APC: variants seen among roughly 807,000 people sequenced by gnomAD.
APC encodes the protein adenomatous polyposis coli protein.
In APC, 72 loss-of-function variants were observed where a neutral mutation model predicts 247.0. The observed-to-expected ratio is 0.29, with a 90% CI of 0.24 to 0.35. The LOEUF is 0.35. APC is among the 10% of genes least tolerant of loss of function. The pLI is 1.00. For missense variants in APC, 3,400 were observed against 3,360.7 expected (o/e 1.01, Z -0.29); for synonymous variants, 1,254 against 1,162.5 (o/e 1.08, Z -1.60).
chr5:112,820,231 G>A (rs1762982800), intron 10 of APC, among the ~76,000 whole-genome samples: 3 of 151,718 alleles, frequency 2.0e-5, no homozygotes, highest in African/African-American at 7.3e-5. Context: ...ACTACAAGTA[G>A]ATGATTCTAC....
upstream of APC, chr5:112,737,743 G>A: frequency 2.7e-6 from 2 of 749,332 alleles, no homozygotes; most frequent in South Asian, 1.2e-4. Context: ...GTGCGGGTCG[G>A]GAAGCGGAGA....
chr5:112,839,223 A>G lies in APC; in HGVS notation c.3629A>G (p.His1210Arg), dbSNP rs756346998. ...TCTGGACAAAGCAGTAAAACCGAACATATGTCTTCAAGCAGTGAGAATACG... is the reference window on the plus strand; with the variant it reads ...TCTGGACAAAGCAGTAAAACCGAACGTATGTCTTCAAGCAGTGAGAATACG... ...SSSGQSSKTE[H>R]MSSSSENTST... The change falls in exon 16 of 16, where the codon CAT (histidine) becomes CGT (arginine). Residue 1210 changes from histidine (H) to arginine (R), a missense_variant. Coordinates refer to ENST00000257430, the MANE Select transcript of APC (RefSeq NM_000038.6). This position sits in a 1 kb window ranked among gnomAD's most constrained non-coding sequence, Gnocchi z 5.0. 1 of 1,614,188 alleles carries G rather than the reference A, an allele frequency of 6.2e-7. No homozygotes were observed. Among genetic ancestry groups the G allele is most frequent in the African/African-American group, 1.3e-5 (1 of 75,066 alleles).
rs1478577223 is a variant in APC, at chr5:112,844,730, A to G, written c.*604A>G. 3 of 231,976 alleles carry G rather than the reference A, an allele frequency of 1.3e-5. No individual in the cohort carries two copies. Among genetic ancestry groups the G allele is most frequent in the African/African-American group, 4.4e-5 (2 of 45,266 alleles). 14.4% of individuals were successfully genotyped at this position (231,976 alleles called of 1,614,324 possible). ...TCACATGATGTGCATAGAGATAGCT[A>G]CAGTGTAATAATTTACACTATTTTG... is the stretch of plus-strand genomic sequence containing the variant. On this transcript the variant is annotated 3_prime_UTR_variant, in exon 16 of 16. Transcript: ENST00000257430.
intron 3 of APC, 93 bp from the exon 4 acceptor site, chr5:112,767,096 C>T: frequency 9.0e-7 from 1 of 1,108,432 alleles, no homozygotes; most frequent in Non-Finnish European, 1.3e-6. Context: ...AAAATGTAAA[C>T]CTAATATTTC....
chr5:112,773,114 C>G (rs569196063), intron 4 of APC, among the ~76,000 whole-genome samples: 1 of 152,254 alleles, frequency 6.6e-6, no homozygotes, highest in Non-Finnish European at 1.5e-5. Flanking sequence ...CAGGGGCTTC[C>G]TTTCTTCCCA....
chr5:112,814,032 A>G (rs1762240146), intron 8 of APC, among the ~76,000 whole-genome samples: 1 of 152,198 alleles, frequency 6.6e-6, no homozygotes, highest in Non-Finnish European at 1.5e-5. Flanking sequence ...TTATAATTCA[A>G]CAAATATTCT....
Position 112,841,845 on chromosome 5 carries a change from A to C in APC, c.6251A>C (p.Gln2084Pro), listed in dbSNP as rs778161943. 1 of 1,613,908 alleles carries C rather than the reference A, an allele frequency of 6.2e-7. No individual in the cohort carries two copies. Among genetic ancestry groups the C allele is most frequent in the East Asian group, 2.2e-5 (1 of 44,872 alleles). The change falls in exon 16 of 16, where the codon CAG becomes CCG. Residue 2084 changes from glutamine to proline, a missense_variant. By Grantham distance (76) the Gln-to-Pro change is moderately conservative (BLOSUM62 -1). Transcript: ENST00000257430. This position sits in a 1 kb window ranked among gnomAD's most constrained non-coding sequence, Gnocchi z 4.6. ...CTGACACTTGATTTGAAAGATATAC[A>C]GAGACCAGATTCAGAACATGGTCTA... ...EDLTLDLKDI[Q>P]RPDSEHGLSP...
chr5:112,770,328 T>C (rs1339119211), intron 4 of APC, among the ~76,000 whole-genome samples: 2 of 152,172 alleles, frequency 1.3e-5, no homozygotes, highest in Non-Finnish European at 2.9e-5. Flanking sequence ...CCATGTTTTA[T>C]TTATTATATA....
At chr5:112,747,662 A>G (rs1469833664) in intron 1 of APC, among the ~76,000 whole-genome samples, 2 of 152,204 alleles carry the variant, frequency 1.3e-5, no homozygotes, top group African/African-American at 4.8e-5. Flanking sequence ...GGAGCTTACA[A>G]TGCCATAAAG....
intron 11 of APC, among the ~76,000 whole-genome samples, chr5:112,823,986 A>G (rs144329048): frequency 2.0e-5 from 3 of 152,332 alleles, no homozygotes; most frequent in East Asian, 1.9e-4. Flanking sequence ...TGAGCCTGTG[A>G]TATTTATTTT....
rs748715887 is a variant in APC, at chr5:112,840,522, G to T, written c.4928G>T (p.Cys1643Phe). 1.2e-6 allele frequency: 2 copies of T among 1,614,152 alleles called. No homozygotes were observed. The highest frequency in any genetic ancestry group is 1.1e-5 in the South Asian group (1 of 91,080). ...GGGGATGATATGCCACGGGTGTATT[G>T]TGTTGAAGGGACACCTATAAACTTT... ...TPGDDMPRVY[C>F]VEGTPINFST... The change falls in exon 16 of 16, where the codon TGT becomes TTT. Residue 1643 changes from cysteine to phenylalanine, a missense_variant. Physicochemically the swap from Cys to Phe is radical, Grantham distance 205. Around this residue, in one of 9 missense-constraint regions of APC, gnomAD observed 1,788 missense variants for 1,649.5 expected, o/e 1.08. Coordinates refer to ENST00000257430, the MANE Select transcript of APC (RefSeq NM_000038.6). The surrounding 1 kb of genome is among the most constrained non-coding windows in gnomAD (Gnocchi z 4.1).
upstream of APC, among the ~76,000 whole-genome samples, chr5:112,737,163 G>A (rs1186223844): frequency 6.6e-6 from 1 of 152,314 alleles, no homozygotes; most frequent in African/African-American, 2.4e-5. Flanking sequence ...GCACTTCTAT[G>A]TATGTGTCAG....
In APC at chr5:112,843,783, C is replaced by T. The variant is rs976132108; in HGVS notation, c.8189C>T (p.Ala2730Val). Reference sequence around the variant, plus strand: ...CTGAACTCCTTTATTCAGGTGGATGCCCCTGACCAAAAAGGAACTGAGATA... The same window carrying T: ...CTGAACTCCTTTATTCAGGTGGATGTCCCTGACCAAAAAGGAACTGAGATA... ...NRLNSFIQVD[A>V]PDQKGTEIKP... is the part of the protein sequence containing the mutation. The change falls in exon 16 of 16, where the codon GCC becomes GTC. Residue 2730 changes from alanine (A) to valine (V), a missense_variant. Transcript: ENST00000257430. This position sits in a 1 kb window ranked among gnomAD's most constrained non-coding sequence, Gnocchi z 4.8. The T allele has an allele frequency of 1.9e-6, 3 of 1,613,906 alleles. No homozygotes were observed. The highest frequency in any genetic ancestry group is 2.2e-5 in the South Asian group (2 of 91,076).
At chr5:112,751,746 G>A (rs921881319) in intron 1 of APC, among the ~76,000 whole-genome samples, 3 of 151,894 alleles carry the variant, frequency 2.0e-5, no homozygotes, top group African/African-American at 7.2e-5. Context: ...TGTGAATAAT[G>A]TTCCCTTTCT....
At chr5:112,810,454 A>G (rs1761874993) in intron 8 of APC, 3 of 185,578 alleles carry the variant, frequency 1.6e-5, no homozygotes, top group African/African-American at 4.8e-5. Flanking sequence ...CATATCAAAA[A>G]TAGCCAAAGA....
chr5:112,799,144 A>C (rs1470860265), intron 7 of APC, among the ~76,000 whole-genome samples: 1 of 134,258 alleles, frequency 7.4e-6, no homozygotes, highest in Non-Finnish European at 1.5e-5. Context: ...AGATTGCGCC[A>C]TTGCACTCCA....
chr5:112,744,359 CATTCTTACGTGTAT>C (rs1753399845), intron 1 of APC, among the ~76,000 whole-genome samples: 2 of 152,164 alleles, frequency 1.3e-5, no homozygotes, highest in African/African-American at 4.8e-5. Context: ...CCTTTCTGTT[CATTCTTACGTGTAT>C]ATTTGTCTTT....
Position 112,767,207 on chromosome 5 carries a change from G to C in APC, c.239G>C (p.Ser80Thr), listed in dbSNP as rs876659390. 3 of 1,614,030 alleles carry C rather than the reference G, an allele frequency of 1.9e-6. No homozygotes were observed. The highest frequency in any genetic ancestry group is 1.7e-6 in the Non-Finnish European group (2 of 1,179,896). ...TATTTAGAGCTTAACTTAGATAGCAGTAATTTCCCTGGAGTAAAACTGCGG... is the reference window on the plus strand; with the variant it reads ...TATTTAGAGCTTAACTTAGATAGCACTAATTTCCCTGGAGTAAAACTGCGG... ...ERLKELNLDS[S>T]NFPGVKLRSK... Residue 80 changes from serine to threonine, a missense_variant, in exon 4 of 16, where the codon AGT becomes ACT. By Grantham distance (58) the Ser-to-Thr change is moderately conservative. Transcript: ENST00000257430.
intron 1 of APC, among the ~76,000 whole-genome samples, chr5:112,740,749 C>T (rs1476586940): frequency 4.6e-5 from 7 of 152,002 alleles, no homozygotes; most frequent in Admixed American, 3.9e-4. Context: ...TGGTCTCGAA[C>T]TCGTGAGCTC....
Sources: gnomAD v4.1 joint callset for allele counts (sites outside exome capture counted in the v4.1 genomes callset) on GRCh38, gnomAD v4.1.1 for gene constraint, gnomAD v4.1.1 regional missense constraint, Gnocchi (gnomAD v3.1) non-coding constraint, MANE v1.5 for transcripts, NCBI Gene and HGNC (gene_info 2026-07-23, HGNC 2026-07-21) for gene names.